The following ARHGAP42 variants were observed in gnomAD, a reference collection of about 807,000 sequenced individuals.
The protein encoded by ARHGAP42 is Rho GTPase activating protein 42, also known as rho GTPase-activating protein 42.
In ARHGAP42, 63 loss-of-function variants were observed where a neutral mutation model predicts 125.0. That is an observed-to-expected ratio of 0.50 (90% CI 0.41 to 0.62). The LOEUF (loss-of-function observed/expected upper bound fraction) is 0.62, where lower values mean the gene tolerates loss of function less well. Ranked by LOEUF, ARHGAP42 falls within the 20% of genes least tolerant of loss-of-function variation. The pLI is 0.00. For missense variants in ARHGAP42, 766 were observed against 1,024.2 expected, an observed-to-expected ratio of 0.75 and a Z score of 3.44; for synonymous variants, 339 against 351.0, an observed-to-expected ratio of 0.97 and a Z score of 0.38.
intron 1 of ARHGAP42, among the ~76,000 whole-genome samples, chr11:100,704,836 G>A (rs1861452980): frequency 7.4e-6 from 1 of 135,748 alleles, no homozygotes; most frequent in Non-Finnish European, 1.6e-5. Flanking sequence ...ATTAAACCAG[G>A]TGTGGTGGCA....
intron 1 of ARHGAP42, among the ~76,000 whole-genome samples, chr11:100,746,305 G>T (rs1305216001): frequency 6.6e-6 from 1 of 152,166 alleles, no homozygotes; most frequent in African/African-American, 2.4e-5. Flanking sequence ...GGCCCTCGGG[G>T]TCTGACCTGC....
chr11:100,955,548 C>G (rs997175699), intron 12 of ARHGAP42, among the ~76,000 whole-genome samples: 12 of 152,062 alleles, frequency 7.9e-5, no homozygotes, highest in African/African-American at 2.9e-4. Flanking sequence ...CTGGTACAAA[C>G]CAGTAACTAG....
At position 100,960,001 on chromosome 11, in the gene ARHGAP42, AAAACTCTCAGAGTAGAT is replaced by A. The variant is rs1184964620; in HGVS notation, c.1225+60_1225+76del. 10 of 1,438,272 alleles carry A rather than the reference AAAACTCTCAGAGTAGAT, an allele frequency of 7.0e-6. No homozygotes were observed. In the Admixed American group the frequency reaches 1.8e-4, roughly 26 times the overall value. The allele number at this position is 1,438,272 out of a possible 1,614,324, so 89.1% of individuals were successfully genotyped here. ...TGTCATGTGTCTCATTCTTACATGG[AAAACTCTCAGAGTAGAT>A]AAATCATTGAAGATGTATTTGGTCA... On this transcript the variant is annotated intron_variant, in intron 13 of 23. Coordinates refer to ENST00000298815, the MANE Select transcript of ARHGAP42 (RefSeq NM_152432.4).
In ARHGAP42 at chr11:100,992,506, A is replaced by T. The variant is rs1858863077; in HGVS notation, c.*3705A>T. On this transcript the variant is annotated 3_prime_UTR_variant, in exon 24 of 24. Transcript: ENST00000298815. ...AAATCAAGACACTTTTAAGAAACAA[A>T]GATAGTTTTCTGAACATTCTGTGTC... 1 of 1,613,990 alleles carries T rather than the reference A, an allele frequency of 6.2e-7. No homozygotes were observed. Among genetic ancestry groups the T allele is most frequent in the Non-Finnish European group, 8.5e-7 (1 of 1,179,980 alleles).
At chr11:100,827,279 A>G (rs1218303623) in intron 3 of ARHGAP42, among the ~76,000 whole-genome samples, 1 of 152,172 alleles carries the variant, frequency 6.6e-6, no homozygotes, top group Non-Finnish European at 1.5e-5. Flanking sequence ...CTGGGATTAC[A>G]GGCATGAGCC....
intron 2 of ARHGAP42, among the ~76,000 whole-genome samples, chr11:100,775,454 T>C (rs956195874): frequency 6.6e-6 from 1 of 152,148 alleles, no homozygotes; most frequent in Non-Finnish European, 1.5e-5. Flanking sequence ...ACAATACCCA[T>C]TGCATCAGTC....
chr11:100,876,573 C>A (rs541192295), intron 4 of ARHGAP42, among the ~76,000 whole-genome samples: 1 of 152,180 alleles, frequency 6.6e-6, no homozygotes, highest in Non-Finnish European at 1.5e-5. Flanking sequence ...TATACAAAAT[C>A]AGCCAATTAA....
At chr11:100,950,907 G>C (rs1361614379) in intron 12 of ARHGAP42, among the ~76,000 whole-genome samples, 2 of 151,722 alleles carry the variant, frequency 1.3e-5, no homozygotes, top group Non-Finnish European at 2.9e-5. Context: ...ATAGAGATGA[G>C]GTCTCATTTT....
At position 100,961,706 on chromosome 11, in the gene ARHGAP42, T is replaced by A; in HGVS notation, c.1323T>A (p.Ile441=). 3.9e-6 allele frequency: 6 copies of A among 1,551,608 alleles called. No individual in the cohort carries two copies. The highest frequency in any genetic ancestry group is 5.2e-6 in the Non-Finnish European group (6 of 1,146,794). The stretch of plus-strand genomic sequence containing the variant: ...CAGCTCCTAAATCCCCTCCTGATAT[T>A]GATATTGATATTGAACTGTGGGACA... ...TTFSPKSPPD[I]DIDIELWDNK... Residue 441 remains isoleucine (I), a synonymous_variant, in exon 15 of 24, where the codon ATT becomes ATA. Transcript: ENST00000298815.
chr11:100,956,200 G>C (rs1390593533), intron 12 of ARHGAP42, among the ~76,000 whole-genome samples: 3 of 152,126 alleles, frequency 2.0e-5, no homozygotes, highest in Non-Finnish European at 2.9e-5. Context: ...TCCAGTTAAG[G>C]GAGGAAAAGT....
chr11:100,967,823 C>G lies in ARHGAP42; in HGVS notation c.1550+2047C>G, dbSNP rs145100221. 7.8e-3 allele frequency among the ~76,000 whole-genome samples: 1,181 copies of G among 152,258 alleles called. 20 individuals are homozygous for G. Among genetic ancestry groups the G allele is most frequent in the African/African-American group, 0.027 (1,108 of 41,548 alleles). The stretch of plus-strand genomic sequence containing the variant: ...CCATCTCCTGGGTTCAAGTGATTCT[C>G]CTGCCTCAGCCTCCTGAGTAGCTGG... On this transcript the variant is annotated intron_variant, in intron 17 of 23. Coordinates refer to ENST00000298815, the MANE Select transcript of ARHGAP42 (RefSeq NM_152432.4).
At chr11:100,926,602 G>A (rs1867431437) in intron 6 of ARHGAP42, among the ~76,000 whole-genome samples, 1 of 152,190 alleles carries the variant, frequency 6.6e-6, no homozygotes, top group African/African-American at 2.4e-5. Flanking sequence ...TTACAGCTGT[G>A]CAAATATGGC....
At chr11:100,833,563 A>G in intron 3 of ARHGAP42, among the ~76,000 whole-genome samples, 1 of 152,184 alleles carries the variant, frequency 6.6e-6, no homozygotes, top group South Asian at 2.1e-4. Context: ...GAAAGACTCA[A>G]ACAATAGAAG....
intron 1 of ARHGAP42, among the ~76,000 whole-genome samples, chr11:100,695,557 G>T (rs376855628): frequency 6.6e-6 from 1 of 152,004 alleles, no homozygotes; most frequent in Non-Finnish European, 1.5e-5. Context: ...TACCCTCCTC[G>T]GCCTCCCAAA....
intron 8 of ARHGAP42, among the ~76,000 whole-genome samples, chr11:100,937,410 G>A (rs1867765374): frequency 1.3e-5 from 2 of 152,030 alleles, no homozygotes; most frequent in African/African-American, 4.8e-5. Context: ...AGGACTCTAA[G>A]GAAATTTTTA....
rs1858391957 is a variant in ARHGAP42 at position 100,976,382 on chromosome 11, T to C, written c.2181T>C (p.Leu727=). The C allele has an allele frequency of 6.5e-7, 1 of 1,548,108 alleles. No homozygotes were observed. The part of the protein sequence containing the change: ...IDLVKKEPYG[L]SGLKRASASS... ...TAGTCAAGAAAGAGCCTTATGGGCTTTCAGGACTGAAAAGAGCTTCTGCTT... is the reference window on the plus strand; with the variant it reads ...TAGTCAAGAAAGAGCCTTATGGGCTCTCAGGACTGAAAAGAGCTTCTGCTT... The change falls in exon 20 of 24, where the codon CTT becomes CTC. Residue 727 remains leucine, a synonymous_variant. Coordinates refer to ENST00000298815, the MANE Select transcript of ARHGAP42 (RefSeq NM_152432.4).
At chr11:100,869,418 T>C (rs1865648715) in intron 4 of ARHGAP42, among the ~76,000 whole-genome samples, 1 of 148,500 alleles carries the variant, frequency 6.7e-6, no homozygotes, top group African/African-American at 2.5e-5. Flanking sequence ...TTTTTTTTTT[T>C]CTTTGTAGTT....
At chr11:100,844,693 A>G (rs2135117954) in intron 3 of ARHGAP42, among the ~76,000 whole-genome samples, 1 of 152,306 alleles carries the variant, frequency 6.6e-6, no homozygotes, top group South Asian at 2.1e-4. Flanking sequence ...ATATGAAAAA[A>G]TCTCAACATC....
At chr11:100,875,061 A>C (rs1865779032) in intron 4 of ARHGAP42, among the ~76,000 whole-genome samples, 1 of 145,964 alleles carries the variant, frequency 6.9e-6, no homozygotes, top group African/African-American at 2.6e-5. Flanking sequence ...TGCTGACTAA[A>C]TCTAATCCAC....
Sources: gnomAD v4.1 joint callset for allele counts (sites outside exome capture counted in the v4.1 genomes callset) on GRCh38, gnomAD v4.1.1 for gene constraint, MANE v1.5 for transcripts, NCBI Gene and HGNC (gene_info 2026-07-23, HGNC 2026-07-21) for gene names.